Variants in BLTP1 observed in about 807,000 individuals in gnomAD.
BLTP1 encodes the protein fragile site-associated protein.
At chr4:122,200,939 A>G in the BLTP1 span, 2 of 1,553,116 alleles carry the variant, frequency 1.3e-6, no homozygotes, top group Admixed American at 2.1e-5. Context: ...GTGTAACTTC[A>G]TTTCTAATGC....
chr4:122,204,034 A>G, the BLTP1 span: 2 of 184,042 alleles, frequency 1.1e-5, no homozygotes, highest in Non-Finnish European at 2.1e-5. Context: ...TACAACCAAT[A>G]TACATTGTAA....
the BLTP1 span, chr4:122,171,969 A>G: frequency 1.0e-6 from 1 of 970,220 alleles, no homozygotes; most frequent in Non-Finnish European, 1.2e-6. Flanking sequence ...AAGGACTCAT[A>G]TAACAACCTA....
chr4:122,238,285 TG>T, the BLTP1 span: 1 of 1,614,138 alleles, frequency 6.2e-7, no homozygotes. Flanking sequence ...CTTCATCTGT[TG>T]CTGATGACCA....
At chr4:122,173,482 C>T in the BLTP1 span, among the ~76,000 whole-genome samples, 1 of 152,128 alleles carries the variant, frequency 6.6e-6, no homozygotes, top group African/African-American at 2.4e-5. Flanking sequence ...GAGTACTTCC[C>T]AAATGTCTCA....
chr4:122,218,066 GT>G, the BLTP1 span, among the ~76,000 whole-genome samples: 1 of 151,698 alleles, frequency 6.6e-6, no homozygotes, highest in African/African-American at 2.4e-5. Flanking sequence ...AATATCTCCA[GT>G]TTTGTTTCTA....
chr4:122,162,668 T>C, the BLTP1 span: 1 of 984,486 alleles, frequency 1.0e-6, no homozygotes, highest in Non-Finnish European at 1.2e-6. Context: ...TTAACACAAA[T>C]TAAATGTTAA....
At chr4:122,296,774 C>A in the BLTP1 span, among the ~76,000 whole-genome samples, 10 of 152,260 alleles carry the variant, frequency 6.6e-5, no homozygotes, top group East Asian at 1.9e-3. Context: ...ACACCTACAA[C>A]CATCTGATCT....
the BLTP1 span, chr4:122,170,175 G>A: frequency 3.3e-6 from 1 of 305,734 alleles, no homozygotes; most frequent in Non-Finnish European, 4.8e-6. Context: ...GCGTGGTGAC[G>A]CATGCCTGTA....
chr4:122,295,660 A>G, the BLTP1 span, among the ~76,000 whole-genome samples: 1 of 152,180 alleles, frequency 6.6e-6, no homozygotes, highest in Non-Finnish European at 1.5e-5. Flanking sequence ...CTTCAGGCCA[A>G]TATCCCTGTT....
the BLTP1 span, among the ~76,000 whole-genome samples, chr4:122,318,573 G>A: frequency 1.3e-5 from 2 of 152,098 alleles, no homozygotes; most frequent in South Asian, 2.1e-4. Flanking sequence ...TGTTTTTCAT[G>A]AAATCACTCT....
the BLTP1 span, chr4:122,226,295 T>C: frequency 1.7e-6 from 1 of 593,484 alleles, no homozygotes; most frequent in African/African-American, 2.0e-5. Flanking sequence ...TTAAAAAAAC[T>C]GTAGCTCAAT....
the BLTP1 span, chr4:122,240,281 C>G: frequency 1.1e-5 from 18 of 1,613,986 alleles, no homozygotes; most frequent in Admixed American, 5.0e-5. Flanking sequence ...TGCATCGTCC[C>G]CTTGATCTGG....
the BLTP1 span, chr4:122,235,368 GT>G: frequency 2.0e-6 from 2 of 984,658 alleles, no homozygotes; most frequent in Non-Finnish European, 2.4e-6. Context: ...GGTAACAATT[GT>G]TTCACCAGCT....
At chr4:122,185,341 A>G in the BLTP1 span, 6 of 984,106 alleles carry the variant, frequency 6.1e-6, no homozygotes, top group Non-Finnish European at 7.2e-6. Context: ...AAAACATGGT[A>G]GTTCTTTCAT....
the BLTP1 span, chr4:122,227,311 T>C: frequency 1.0e-6 from 1 of 986,648 alleles, no homozygotes; most frequent in Non-Finnish European, 1.2e-6. Flanking sequence ...TTGTGCCACC[T>C]TCATTAAGAG....
At chr4:122,257,137 T>G in the BLTP1 span, 2 of 1,083,020 alleles carry the variant, frequency 1.8e-6, no homozygotes, top group Non-Finnish European at 2.7e-6. Context: ...CATCTAAGTT[T>G]TAATTTCTTT....
At chr4:122,276,943 A>G in the BLTP1 span, 1 of 985,220 alleles carries the variant, frequency 1.0e-6, no homozygotes, top group African/African-American at 1.7e-5. Context: ...CTTTGAGACT[A>G]TAAATAATTG....
the BLTP1 span, among the ~76,000 whole-genome samples, chr4:122,324,091 A>G: frequency 2.0e-5 from 3 of 151,954 alleles, no homozygotes; most frequent in Non-Finnish European, 4.4e-5. Flanking sequence ...GCTTTCTCCC[A>G]AAACTTTAAT....
At chr4:122,334,397 A>T in the BLTP1 span, 1 of 1,612,548 alleles carries the variant, frequency 6.2e-7, no homozygotes, top group African/African-American at 1.3e-5. Flanking sequence ...CCTCCAGGGG[A>T]TCTTCCTTGC....
Sources: allele counts gnomAD v4.1 joint callset (sites outside exome capture counted in the v4.1 genomes callset), GRCh38; gene constraint gnomAD v4.1.1; transcripts MANE v1.5; gene names NCBI Gene and HGNC (gene_info 2026-07-23, HGNC 2026-07-21).